The following PLXNA2 variants were observed in gnomAD, a reference collection of about 807,000 sequenced individuals.
PLXNA2 encodes the protein plexin A2.
PLXNA2 carries 91 observed loss-of-function variants against 193.5 expected under a neutral mutation model. That is an observed-to-expected ratio of 0.47 (90% CI 0.40 to 0.56). The LOEUF is 0.56. Among genes scored for constraint, PLXNA2 ranks in the 20% least tolerant of loss-of-function variants. The pLI is 0.00. For synonymous variants in PLXNA2, 997 were observed against 1,027.3 expected (o/e 0.97, Z 0.56); for missense variants, 1,995 against 2,503.2 (o/e 0.80, Z 4.33).
intron 8 of PLXNA2, among the ~76,000 whole-genome samples, chr1:208,095,452 G>C (rs1245988774): frequency 6.6e-6 from 1 of 152,196 alleles, no homozygotes; most frequent in East Asian, 1.9e-4. Context: ...CTGTGGTTTG[G>C]CCTGTCTGGT....
chr1:208,205,034 A>G (rs1670672954), intron 3 of PLXNA2, among the ~76,000 whole-genome samples: 1 of 152,216 alleles, frequency 6.6e-6, no homozygotes, highest in Non-Finnish European at 1.5e-5. Flanking sequence ...ACCTGGGTTG[A>G]GGCGGCAGTT....
At position 208,217,283 on chromosome 1, in the gene PLXNA2, C is replaced by T. The variant is rs150703572; in HGVS notation, c.640G>A (p.Asp214Asn). The T allele has an allele frequency of 8.1e-6, 13 of 1,613,944 alleles. No individual in the cohort carries two copies. The highest frequency in any genetic ancestry group is 1.3e-5 in the African/African-American group (1 of 74,882). ...PRDPESSAML[D>N]YELHSDFVSS... ...ACAAAATCGCTGTGTAGCTCATAGT[C>T]GAGCATGGCTGAGGACTCAGGGTCT... is the stretch of plus-strand genomic sequence containing the variant. The change falls in exon 2 of 32, where the codon GAC (aspartate) becomes AAC (asparagine). Residue 214 changes from aspartate (D) to asparagine (N), a missense_variant. Around this residue, in one of 3 missense-constraint regions of PLXNA2, gnomAD observed 702 missense variants for 812.9 expected, o/e 0.86. Coordinates refer to ENST00000367033, the MANE Select transcript of PLXNA2 (RefSeq NM_025179.4). This position sits in a 1 kb window ranked among gnomAD's most constrained non-coding sequence, Gnocchi z 4.7.
intron 8 of PLXNA2, among the ~76,000 whole-genome samples, chr1:208,095,553 A>T (rs1666853914): frequency 6.6e-6 from 1 of 152,054 alleles, no homozygotes; most frequent in South Asian, 2.1e-4. Flanking sequence ...TCTTTTTATC[A>T]TGTGCTGAGA....
intron 3 of PLXNA2, among the ~76,000 whole-genome samples, chr1:208,205,213 AT>A (rs1423187100): frequency 3.9e-5 from 6 of 152,096 alleles, no homozygotes; most frequent in Non-Finnish European, 8.8e-5. Flanking sequence ...AACCTGGAAA[AT>A]CATGTAAAAT....
rs1196989250 is a variant in PLXNA2 at position 208,216,941 on chromosome 1, T to C, written c.982A>G (p.Ile328Val). The C allele has an allele frequency of 6.2e-7, 1 of 1,614,056 alleles. No homozygotes were observed. The change falls in exon 2 of 32, where the codon ATC becomes GTC. Residue 328 changes from isoleucine (I) to valine (V), a missense_variant. Ile to Val is a conservative substitution (Grantham distance 29, BLOSUM62 3). Coordinates refer to ENST00000367033, the MANE Select transcript of PLXNA2 (RefSeq NM_025179.4). The stretch of plus-strand genomic sequence containing the variant: ...AAGAGTACATCGTCCTGGCTGGTGA[T>C]ATTGAAGGCCTGGGCCAGTGAGTCC... Reference protein sequence around the residue: ...PGDSLAQAFNITSQDDVLFAI... With the variant: ...PGDSLAQAFNVTSQDDVLFAI...
intron 29 of PLXNA2, chr1:208,029,985 TC>T: frequency 1.0e-6 from 1 of 985,578 alleles, no homozygotes; most frequent in Non-Finnish European, 1.2e-6. Flanking sequence ...CCCAGCTTCT[TC>T]TTCTCTCCCC....
chr1:208,079,182 C>G, intron 12 of PLXNA2, 78 bp downstream of exon 12: 1 of 1,275,172 alleles, frequency 7.8e-7, no homozygotes, highest in Non-Finnish European at 1.1e-6. Context: ...CACAGAGTCT[C>G]AATTTGCACT....
Position 208,152,276 on chromosome 1 carries a change from A to G in PLXNA2, c.1372-9813T>C, listed in dbSNP as rs568344816. On this transcript the variant is annotated intron_variant, in intron 3 of 31. Transcript: ENST00000367033. ...TTAAAAGAAGTCATTAAAAACACACACACACGTGGCATGTGCCCACCATGG... is the reference window on the plus strand; with the variant it reads ...TTAAAAGAAGTCATTAAAAACACACGCACACGTGGCATGTGCCCACCATGG... Among the ~76,000 whole-genome samples the G allele has an allele frequency of 5.3e-5, 8 of 152,344 alleles. No individual in the cohort carries two copies. In the South Asian group the frequency reaches 1.7e-3, roughly 32 times the overall value.
chr1:208,189,988 G>A (rs540090296), intron 3 of PLXNA2, among the ~76,000 whole-genome samples: 1 of 152,322 alleles, frequency 6.6e-6, no homozygotes, highest in East Asian at 1.9e-4. Flanking sequence ...TGTAAGATGA[G>A]AAACATTTTG....
At chr1:208,079,535 T>A (rs996163224) in intron 11 of PLXNA2, 85 bp from the exon 12 acceptor site, 5 of 997,102 alleles carry the variant, frequency 5.0e-6, no homozygotes, top group Non-Finnish European at 7.3e-6. Flanking sequence ...ATAGAAATGA[T>A]AGAAACTCTT....
At chr1:208,039,369 C>T (rs1449333420) in intron 24 of PLXNA2, among the ~76,000 whole-genome samples, 1 of 151,802 alleles carries the variant, frequency 6.6e-6, no homozygotes, top group African/African-American at 2.4e-5. Flanking sequence ...TACCAATTAC[C>T]CAATAACTAA....
At chr1:208,122,605 C>G (rs753013741) in intron 4 of PLXNA2, among the ~76,000 whole-genome samples, 4 of 152,092 alleles carry the variant, frequency 2.6e-5, no homozygotes, top group Non-Finnish European at 4.4e-5. Flanking sequence ...CTTTCAGCTT[C>G]CTAGGGTTAA....
rs1408768023 is a variant in PLXNA2, at chr1:208,052,314, A to C, written c.2993+13T>G. On this transcript the variant is annotated intron_variant, in intron 15 of 31. Transcript: ENST00000367033. ...ATGTGCAGTCTTCTGGTGGCCCTTC[A>C]AGTTTATCTCACCCGTAGAACTCGC... The C allele has an allele frequency of 1.2e-6, 2 of 1,611,450 alleles. No individual in the cohort carries two copies. Among genetic ancestry groups the C allele is most frequent in the South Asian group, 1.1e-5 (1 of 90,982 alleles).
intron 1 of PLXNA2, among the ~76,000 whole-genome samples, chr1:208,241,952 C>A (rs959474312): frequency 1.3e-5 from 2 of 152,166 alleles, no homozygotes; most frequent in Admixed American, 6.5e-5. Context: ...ACTGCCCCTT[C>A]AGCCTCCAGG....
At chr1:208,029,512 G>C (rs1208959104) in intron 29 of PLXNA2, 1 of 998,142 alleles carries the variant, frequency 1.0e-6, no homozygotes, top group Non-Finnish European at 1.2e-6. Context: ...TGCGCTCCCC[G>C]CCCAGCCCGG....
chr1:208,086,948 A>ACTCTCTCTCTCTCTCTCTCTCT (rs59683728), intron 9 of PLXNA2, among the ~76,000 whole-genome samples: 5 of 134,594 alleles, frequency 3.7e-5, no homozygotes, highest in East Asian at 2.4e-4. Context: ...TCTCTCTCGC[A>ACTCTCTCTCTCTCTCTCTCTCT]CTCTCTCTCT....
intron 11 of PLXNA2, among the ~76,000 whole-genome samples, chr1:208,080,486 CTT>C (rs985773076): frequency 6.6e-6 from 1 of 152,164 alleles, no homozygotes; most frequent in Non-Finnish European, 1.5e-5. Flanking sequence ...TTTTTCCACT[CTT>C]TTGGTCAAGC....
Position 208,028,549 on chromosome 1 carries a change from C to T in PLXNA2, c.5438+281G>A, listed in dbSNP as rs903413322. On this transcript the variant is annotated intron_variant, in intron 30 of 31. Transcript: ENST00000367033. The surrounding 1 kb of genome is among the most constrained non-coding windows in gnomAD (Gnocchi z 4.2). ...GATAATAATAATACTGGCTTCACAA[C>T]TCTGCTGGACATTTTAATGAGATGA... 6.6e-6 allele frequency among the ~76,000 whole-genome samples: 1 copy of T among 152,220 alleles called. No homozygotes were observed. The highest frequency in any genetic ancestry group is 1.9e-4 in the East Asian group (1 of 5,194).
chr1:208,095,543 T>A (rs150298932), intron 8 of PLXNA2, among the ~76,000 whole-genome samples: 1 of 152,170 alleles, frequency 6.6e-6, no homozygotes, highest in Admixed American at 6.5e-5. Flanking sequence ...CCCATCCAGG[T>A]CTTTTTATCA....
Sources: allele counts gnomAD v4.1 joint callset (sites outside exome capture counted in the v4.1 genomes callset), GRCh38; gene constraint gnomAD v4.1.1; regional missense constraint gnomAD v4.1.1; non-coding constraint Gnocchi (gnomAD v3.1); transcripts MANE v1.5; gene names NCBI Gene and HGNC (gene_info 2026-07-23, HGNC 2026-07-21).